TBCK: variants seen among roughly 807,000 people sequenced by gnomAD.
TBCK encodes the protein TBC domain-containing protein kinase-like protein.
TBCK carries 99 observed loss-of-function variants against 113.4 expected under a neutral mutation model. The ratio of observed to expected loss-of-function variants is 0.87; its 90% CI spans 0.74 to 1.03. TBCK has a LOEUF of 1.03. Ranked by LOEUF, TBCK falls within the 50% of genes least tolerant of loss-of-function variation. TBCK has a pLI of 0.00. For synonymous variants in TBCK, 369 were observed against 370.8 expected, an observed-to-expected ratio of 1.00 and a Z score of 0.05; for missense variants, 1,045 against 1,061.3, an observed-to-expected ratio of 0.98 and a Z score of 0.21.
intron 25 of TBCK, among the ~76,000 whole-genome samples, chr4:106,061,106 AC>A (rs1735991064): frequency 6.6e-6 from 1 of 151,832 alleles, no homozygotes; most frequent in African/African-American, 2.4e-5. Context: ...GTCATTTTTG[AC>A]AACAAAGCAT....
chr4:106,043,555 G>A lies in TBCK; in HGVS notation c.*3015C>T, dbSNP rs970789851. 10 of 152,042 alleles carry A rather than the reference G, an allele frequency of 6.6e-5. No homozygotes were observed. The highest frequency in any genetic ancestry group is 2.4e-4 in the African/African-American group (10 of 41,376). The allele number at this position is 152,042 out of a possible 1,614,324, so 9.4% of individuals were successfully genotyped here. A position where few individuals can be genotyped will look rare whatever the true frequency, so the allele number is the denominator to read the frequency against. ...CTTAAGCAGCTCATATTTTAATAGG[G>A]GACTAAATGTAAACAAACGATTGCA... On this transcript the variant is annotated 3_prime_UTR_variant, in exon 26 of 26. Coordinates refer to ENST00000394708, the MANE Select transcript of TBCK (RefSeq NM_001163435.3).
chr4:106,056,847 A>C (rs1735477697), intron 25 of TBCK, among the ~76,000 whole-genome samples: 1 of 151,752 alleles, frequency 6.6e-6, no homozygotes, highest in South Asian at 2.1e-4. Context: ...GTACTATTTA[A>C]AATTTCTTTT....
chr4:106,271,028 ATAATACTT>A (rs1763420831), intron 3 of TBCK, among the ~76,000 whole-genome samples: 1 of 152,192 alleles, frequency 6.6e-6, no homozygotes, highest in Non-Finnish European at 1.5e-5. Flanking sequence ...ACAAAGCAAA[ATAATACTT>A]TAATAGCCAA....
At chr4:106,204,499 G>T (rs1755228121) in intron 20 of TBCK, among the ~76,000 whole-genome samples, 1 of 152,138 alleles carries the variant, frequency 6.6e-6, no homozygotes, top group Admixed American at 6.5e-5. Context: ...GGATAAAACT[G>T]CTGGCATGTT....
intron 25 of TBCK, among the ~76,000 whole-genome samples, chr4:106,068,509 T>C (rs1736942693): frequency 1.3e-5 from 2 of 152,240 alleles, no homozygotes; most frequent in Admixed American, 6.5e-5. Flanking sequence ...TAATATTTCA[T>C]GGTGTATATG....
chr4:106,168,144 C>A (rs72677343), intron 23 of TBCK, among the ~76,000 whole-genome samples: 11,793 of 151,766 alleles, frequency 0.078, 519 homozygotes, highest in Middle Eastern at 0.18. Context: ...AAATTATATA[C>A]CATGAACAAG....
At chr4:106,145,133 C>A (rs1384926311) in intron 23 of TBCK, among the ~76,000 whole-genome samples, 1 of 151,786 alleles carries the variant, frequency 6.6e-6, no homozygotes, top group Non-Finnish European at 1.5e-5. Context: ...TCCTGGCCAA[C>A]ATGGTGAAAC....
At chr4:106,198,229 T>C (rs977679843) in intron 20 of TBCK, among the ~76,000 whole-genome samples, 1 of 152,144 alleles carries the variant, frequency 6.6e-6, no homozygotes. Flanking sequence ...CAGATCTTCG[T>C]TTTTGAAATA....
intron 9 of TBCK, 111 bp downstream of exon 9, chr4:106,248,134 T>A (rs922566523): frequency 6.9e-6 from 4 of 577,012 alleles, no homozygotes; most frequent in Non-Finnish European, 1.2e-5. Flanking sequence ...GTCAATTATA[T>A]ACTACTCCAT....
chr4:106,083,352 A>G (rs1351792081), intron 25 of TBCK, among the ~76,000 whole-genome samples: 1 of 134,616 alleles, frequency 7.4e-6, no homozygotes, highest in Non-Finnish European at 1.7e-5. Flanking sequence ...TCTAACCCTG[A>G]CCCACCTTCC....
At chr4:106,180,344 C>G (rs1248547234) in intron 22 of TBCK, among the ~76,000 whole-genome samples, 16 of 151,830 alleles carry the variant, frequency 1.1e-4, no homozygotes, top group Middle Eastern at 6.8e-3. Flanking sequence ...TTAAAGTCTT[C>G]CTTTGTGGTT....
chr4:106,237,285 C>G (rs1230535927), intron 12 of TBCK, among the ~76,000 whole-genome samples: 1 of 152,032 alleles, frequency 6.6e-6, no homozygotes, highest in Non-Finnish European at 1.5e-5. Flanking sequence ...TTTCTCACAT[C>G]ATACTTTGAA....
Position 106,212,835 on chromosome 4 carries a change from T to G in TBCK, c.1775A>C (p.Glu592Ala), listed in dbSNP as rs2149891992. ...FLKDNSHVIQ[E>A]YLTVFSQMIA... ...CATCTGAGAGAAGACAGTCAGATAC[T>G]CTGAAATTACAAAGTTTGAGACAAT... Residue 592 changes from glutamate (E) to alanine (A), a missense_variant and splice_region_variant, in exon 20 of 26, where the codon GAG becomes GCG. Glu to Ala is a moderately radical substitution (Grantham distance 107). Coordinates refer to ENST00000394708, the MANE Select transcript of TBCK (RefSeq NM_001163435.3). The G allele has an allele frequency of 6.2e-7, 1 of 1,605,618 alleles. No individual in the cohort carries two copies. Among genetic ancestry groups the G allele is most frequent in the South Asian group, 1.1e-5 (1 of 90,178 alleles).
At chr4:106,077,596 C>T (rs1252073500) in intron 25 of TBCK, among the ~76,000 whole-genome samples, 1 of 152,118 alleles carries the variant, frequency 6.6e-6, no homozygotes, top group East Asian at 1.9e-4. Context: ...GGGCTCAATC[C>T]ATCAAGAAGA....
intron 1 of TBCK, among the ~76,000 whole-genome samples, chr4:106,315,333 G>A (rs1002650653): frequency 6.6e-6 from 1 of 152,080 alleles, no homozygotes; most frequent in Non-Finnish European, 1.5e-5. Context: ...CGACTCGAAT[G>A]GGGAAAGAAA....
intron 3 of TBCK, among the ~76,000 whole-genome samples, chr4:106,285,770 G>T (rs1001682255): frequency 6.6e-6 from 1 of 152,102 alleles, no homozygotes; most frequent in African/African-American, 2.4e-5. Context: ...CATCTAAATA[G>T]GTTTCCTGTT....
intron 3 of TBCK, among the ~76,000 whole-genome samples, chr4:106,281,442 T>C (rs1764585144): frequency 6.6e-6 from 1 of 152,080 alleles, no homozygotes; most frequent in Admixed American, 6.6e-5. Context: ...AGCTAGGACT[T>C]CTGGTACTAT....
At chr4:106,300,221 G>A (rs1448589576) in intron 2 of TBCK, among the ~76,000 whole-genome samples, 1 of 152,180 alleles carries the variant, frequency 6.6e-6, no homozygotes, top group African/African-American at 2.4e-5. Flanking sequence ...GGAACTGTAA[G>A]TCCATTAAAC....
At chr4:106,216,285 C>T (rs563464851) in intron 19 of TBCK, among the ~76,000 whole-genome samples, 1 of 150,284 alleles carries the variant, frequency 6.7e-6, no homozygotes, top group East Asian at 2.0e-4. Flanking sequence ...AAATTGACAC[C>T]CTAACATCAC....
Sources: gnomAD v4.1 joint callset for allele counts (sites outside exome capture counted in the v4.1 genomes callset) on GRCh38, gnomAD v4.1.1 for gene constraint, MANE v1.5 for transcripts, NCBI Gene and HGNC (gene_info 2026-07-23, HGNC 2026-07-21) for gene names.